The following PPFIA4 variants were observed in gnomAD, a reference collection of about 807,000 sequenced individuals.
The protein encoded by PPFIA4 is liprin-alpha-4.
Under a neutral mutation model 145.7 loss-of-function variants are expected in PPFIA4, and 98 were observed. The ratio of observed to expected loss-of-function variants is 0.67; its 90% CI spans 0.57 to 0.80. The LOEUF (loss-of-function observed/expected upper bound fraction) is 0.80, where lower values mean the gene tolerates loss of function less well. Ranked by LOEUF, PPFIA4 falls within the 30% of genes least tolerant of loss-of-function variation. The pLI, the probability that PPFIA4 is intolerant of heterozygous loss-of-function variation, is 0.00. For synonymous variants in PPFIA4, 628 were observed against 649.6 expected (o/e 0.97, Z 0.51); for missense variants, 1,457 against 1,632.7 (o/e 0.89, Z 1.85).
Position 203,076,540 on chromosome 1 carries a change from C to G in PPFIA4, c.*150C>G, listed in dbSNP as rs1452369943. The G allele has an allele frequency of 8.2e-6, 6 of 733,814 alleles. No homozygotes were observed. In the Admixed American group the frequency reaches 9.2e-5, roughly 11 times the overall value. 45.5% of individuals were successfully genotyped at this position (733,814 alleles called of 1,614,324 possible). ...GATCTCAGAATATATTCGTCCACCC[C>G]CTCGGCACCCCATTACCCCGAGTCC... is the stretch of plus-strand genomic sequence containing the variant. On this transcript the variant is annotated 3_prime_UTR_variant, in exon 30 of 30. Transcript: ENST00000295706.
chr1:203,054,767 G>A (rs1322988934), intron 15 of PPFIA4, among the ~76,000 whole-genome samples: 1 of 152,074 alleles, frequency 6.6e-6, no homozygotes, highest in Non-Finnish European at 1.5e-5. Flanking sequence ...ATTTTGCAAA[G>A]TAAAACATTA....
intron 24 of PPFIA4, chr1:203,063,565 A>G (rs923547542): frequency 9.7e-5 from 37 of 383,326 alleles, no homozygotes; most frequent in Non-Finnish European, 4.7e-5. Context: ...CTGCCGGGAT[A>G]GCTACTTCTG....
chr1:203,071,693 C>T lies in PPFIA4; in HGVS notation c.3326C>T (p.Ala1109Val). Reference sequence around the variant, plus strand: ...CCTCTCCTGCTCTATGGACTGCAGGCACGCCAAGTGATGGAAAGAGAGTTC... The same window carrying T: ...CCTCTCCTGCTCTATGGACTGCAGGTACGCCAAGTGATGGAAAGAGAGTTC... Reference protein sequence around the residue: ...ILQIPTQNTQARQVMEREFNN... With the variant: ...ILQIPTQNTQVRQVMEREFNN... Residue 1109 changes from alanine to valine, a missense_variant and splice_region_variant, in exon 28 of 30, where the codon GCA (alanine) becomes GTA (valine). Around this residue, in one of 3 missense-constraint regions of PPFIA4, gnomAD observed 848 missense variants for 1,046.7 expected, o/e 0.81. Coordinates refer to ENST00000295706, the MANE Select transcript of PPFIA4 (RefSeq NM_001304331.2). 1 of 1,610,652 alleles carries T rather than the reference C, an allele frequency of 6.2e-7. No individual in the cohort carries two copies. Among genetic ancestry groups the T allele is most frequent in the Non-Finnish European group, 8.5e-7 (1 of 1,177,626 alleles).
chr1:203,036,451 G>GCA (rs1170634518), intron 1 of PPFIA4, among the ~76,000 whole-genome samples: 2 of 152,054 alleles, frequency 1.3e-5, no homozygotes, highest in Non-Finnish European at 2.9e-5. Flanking sequence ...CTCCTTCCTG[G>GCA]CACACTACAG....
Position 203,043,323 on chromosome 1 carries a change from C to T in PPFIA4, c.235-74C>T. On this transcript the variant is annotated intron_variant, in intron 2 of 29. Transcript: ENST00000295706. The surrounding 1 kb of genome is among the most constrained non-coding windows in gnomAD (Gnocchi z 4.4). ...GTAAGGGATGGGTGAGAGGATCCCA[C>T]CACTGACTTGCATGTGCAGGACACT... 1 of 1,328,932 alleles carries T rather than the reference C, an allele frequency of 7.5e-7. No individual in the cohort carries two copies. The highest frequency in any genetic ancestry group is 1.1e-6 in the Non-Finnish European group (1 of 946,148). 82.3% of individuals were successfully genotyped at this position (1,328,932 alleles called of 1,614,324 possible).
Position 203,042,482 on chromosome 1 carries a change from ACT to A in PPFIA4, c.235-910_235-909del, listed in dbSNP as rs533137633. ...AAAGCCTGACTGGGCAGGTCTGCAT[ACT>A]CTCTTGCTCCTATGTAGGTAGGTCC... On this transcript the variant is annotated intron_variant, in intron 2 of 29. Coordinates refer to ENST00000295706, the MANE Select transcript of PPFIA4 (RefSeq NM_001304331.2). Among the ~76,000 whole-genome samples, 602 of 151,856 alleles carry A rather than the reference ACT, an allele frequency of 4.0e-3. 3 individuals carry two copies. Among genetic ancestry groups the A allele is most frequent in the African/African-American group, 0.014 (573 of 41,358 alleles).
rs769670153 is a variant in PPFIA4, at chr1:203,068,446, A to G, written c.3149-7A>G. ...CCTTCCGTCCCTTTTCTTCCCCCAC[A>G]CTCCAGATGTGTTAGTCTGGACCAA... On this transcript the variant is annotated splice_polypyrimidine_tract_variant and splice_region_variant and intron_variant, in intron 26 of 29. Coordinates refer to ENST00000295706, the MANE Select transcript of PPFIA4 (RefSeq NM_001304331.2). The surrounding 1 kb of genome is among the most constrained non-coding windows in gnomAD (Gnocchi z 4.7). The G allele has an allele frequency of 5.7e-6, 9 of 1,583,458 alleles. No individual in the cohort carries two copies. The Admixed American group carries it at 1.5e-4, about 26-fold the overall frequency.
rs963706295 is a variant in PPFIA4 at position 203,077,600 on chromosome 1, C to A, written c.*1210C>A. On this transcript the variant is annotated 3_prime_UTR_variant, in exon 30 of 30. Coordinates refer to ENST00000295706, the MANE Select transcript of PPFIA4 (RefSeq NM_001304331.2). ...GTCCCCAAATCACCTAACCCTCATC[C>A]AGGGCTATTTTGGTGGGCAGGGACT... is the stretch of plus-strand genomic sequence containing the variant. 1.3e-5 allele frequency: 2 copies of A among 152,186 alleles called. No individual in the cohort carries two copies. Among genetic ancestry groups the A allele is most frequent in the Admixed American group, 6.5e-5 (1 of 15,288 alleles). The allele number at this position is 152,186 out of a possible 1,614,324, so 9.4% of individuals were successfully genotyped here.
rs140362800 is a variant in PPFIA4, at chr1:203,043,305, A to G, written c.235-92A>G. The G allele has an allele frequency of 1.4e-3, 1,552 of 1,099,064 alleles. 5 individuals are homozygous for G. The highest frequency in any genetic ancestry group is 2.2e-3 in the Admixed American group (105 of 48,640). 68.1% of individuals were successfully genotyped at this position (1,099,064 alleles called of 1,614,324 possible). A position where few individuals can be genotyped will look rare whatever the true frequency, so the allele number is the denominator to read the frequency against. Reference sequence around the variant, plus strand: ...GTGGGGGAGGTGGTGGAAGTAAGGGATGGGTGAGAGGATCCCACCACTGAC... The same window carrying G: ...GTGGGGGAGGTGGTGGAAGTAAGGGGTGGGTGAGAGGATCCCACCACTGAC... On this transcript the variant is annotated intron_variant, in intron 2 of 29. Transcript: ENST00000295706. This position sits in a 1 kb window ranked among gnomAD's most constrained non-coding sequence, Gnocchi z 4.4.
chr1:203,038,244 C>G (rs1454114945), intron 1 of PPFIA4, among the ~76,000 whole-genome samples: 1 of 152,214 alleles, frequency 6.6e-6, no homozygotes, highest in African/African-American at 2.4e-5. Context: ...ACCCTATTTC[C>G]TCCCCTCCAA....
Position 203,055,361 on chromosome 1 carries a change from A to G in PPFIA4, c.1830-71A>G. The G allele has an allele frequency of 6.3e-7, 1 of 1,593,284 alleles. No homozygotes were observed. On this transcript the variant is annotated intron_variant, in intron 15 of 29. Transcript: ENST00000295706. This position sits in a 1 kb window ranked among gnomAD's most constrained non-coding sequence, Gnocchi z 4.8. ...GTGGTCCTTGGTGGCGAGTGCAGGC[A>G]TCGACCCGCACTGCCTCCTGCTGGT...
At chr1:203,053,320 C>T (rs189063179) in intron 14 of PPFIA4, among the ~76,000 whole-genome samples, 29 of 151,920 alleles carry the variant, frequency 1.9e-4, no homozygotes, top group African/African-American at 6.5e-4. Flanking sequence ...ATTGCTTGAG[C>T]TCAGAAGTTC....
chr1:203,076,299 A>G, intron 29 of PPFIA4, 42 bp from the exon 30 acceptor site: 2 of 1,587,218 alleles, frequency 1.3e-6, no homozygotes, highest in Non-Finnish European at 1.7e-6. Flanking sequence ...ATGCCCTGCA[A>G]CCTGCCTCAC....
rs926579783 is a variant in PPFIA4, at chr1:203,053,916, C to T, written c.1784C>T (p.Ala595Val). Reference protein sequence around the residue: ...PSGHSDAQTLAMMLQEQLDAI... With the variant: ...PSGHSDAQTLVMMLQEQLDAI... ...GGCCACTCAGATGCCCAGACCCTGG[C>T]CATGATGCTGCAGGAGCAGCTGGAT... Residue 595 changes from alanine (A) to valine (V), a missense_variant, in exon 15 of 30, where the codon GCC becomes GTC. By Grantham distance (64) the Ala-to-Val change is moderately conservative. Around this residue, in one of 3 missense-constraint regions of PPFIA4, gnomAD observed 848 missense variants for 1,046.7 expected, o/e 0.81. Coordinates refer to ENST00000295706, the MANE Select transcript of PPFIA4 (RefSeq NM_001304331.2). 6.4e-7 allele frequency: 1 copy of T among 1,567,732 alleles called. No individual in the cohort carries two copies. The highest frequency in any genetic ancestry group is 8.7e-7 in the Non-Finnish European group (1 of 1,155,828).
At chr1:203,036,061 C>T (rs1659230059) in intron 1 of PPFIA4, among the ~76,000 whole-genome samples, 1 of 152,212 alleles carries the variant, frequency 6.6e-6, no homozygotes, top group Non-Finnish European at 1.5e-5. Context: ...GCCAGTACCT[C>T]ACAGTGGGCA....
In PPFIA4 at chr1:203,051,617, G is replaced by T. The variant is rs1351162800; in HGVS notation, c.1512-152G>T. On this transcript the variant is annotated intron_variant, in intron 13 of 29. Coordinates refer to ENST00000295706, the MANE Select transcript of PPFIA4 (RefSeq NM_001304331.2). Reference sequence around the variant, plus strand: ...CATACGTCTGCTCTCTTGCTTACACGGCAGCCCTTCAGACATTTGTGACAG... The same window carrying T: ...CATACGTCTGCTCTCTTGCTTACACTGCAGCCCTTCAGACATTTGTGACAG... 3.6e-6 allele frequency: 5 copies of T among 1,393,770 alleles called. No individual in the cohort carries two copies. The East Asian group carries it at 1.3e-4, about 36-fold the overall frequency. The allele number at this position is 1,393,770 out of a possible 1,614,324, so 86.3% of individuals were successfully genotyped here. A position where few individuals can be genotyped will look rare whatever the true frequency, so the allele number is the denominator to read the frequency against.
At chr1:203,066,649 G>A (rs1028572454) in intron 25 of PPFIA4, among the ~76,000 whole-genome samples, 1 of 152,198 alleles carries the variant, frequency 6.6e-6, no homozygotes, top group East Asian at 1.9e-4. Context: ...AGGTGGGAGC[G>A]TGGACTGATG....
chr1:203,051,657 A>G (rs1660514341), intron 13 of PPFIA4, 112 bp from the exon 14 acceptor site: 3 of 1,490,436 alleles, frequency 2.0e-6, no homozygotes, highest in South Asian at 2.7e-5. Flanking sequence ...GTGTCCTGCT[A>G]AGATGTCTCT....
In PPFIA4 at chr1:203,046,317, C is replaced by T. The variant is rs769833575; in HGVS notation, c.1075C>T (p.Arg359Cys). ...VAEQKLQQTM[R>C]KAETLPEVEA... ...AGAGCAGAAGCTGCAGCAGACGATG[C>T]GCAAGGCAGAGACGCTGCCAGAGGT... The change falls in exon 9 of 30, where the codon CGC (arginine) becomes TGC (cysteine). Residue 359 changes from arginine (R) to cysteine (C), a missense_variant. Coordinates refer to ENST00000295706, the MANE Select transcript of PPFIA4 (RefSeq NM_001304331.2). 1.8e-5 allele frequency: 28 copies of T among 1,594,684 alleles called. No homozygotes were observed. Among genetic ancestry groups the T allele is most frequent in the East Asian group, 4.6e-5 (2 of 43,886 alleles).
Sources: gnomAD v4.1 joint callset for allele counts (sites outside exome capture counted in the v4.1 genomes callset) on GRCh38, gnomAD v4.1.1 for gene constraint, gnomAD v4.1.1 regional missense constraint, Gnocchi (gnomAD v3.1) non-coding constraint, MANE v1.5 for transcripts, NCBI Gene and HGNC (gene_info 2026-07-23, HGNC 2026-07-21) for gene names.